Variants in PDE1A observed in about 807,000 individuals in gnomAD.
The protein encoded by PDE1A is phosphodiesterase 1A.
PDE1A carries 35 observed loss-of-function variants against 61.7 expected under a neutral mutation model. The observed-to-expected ratio is 0.57, with a 90% CI of 0.43 to 0.75. The LOEUF is 0.75. Ranked by LOEUF, PDE1A falls within the 30% of genes least tolerant of loss-of-function variation. The probability of loss-of-function intolerance (pLI) is 0.00; values close to 1 mark genes in which losing one functional copy is unlikely to be tolerated. For synonymous variants in PDE1A, 232 were observed against 213.2 expected (o/e 1.09, Z -0.77); for missense variants, 597 against 630.6 (o/e 0.95, Z 0.57).
chr2:182,702,226 C>A, the PDE1A span, among the ~76,000 whole-genome samples: 1 of 152,150 alleles, frequency 6.6e-6, no homozygotes, highest in Admixed American at 6.5e-5. Context: ...GCCTCAGCCT[C>A]CCAAGTAGCT....
chr2:182,663,196 G>A, the PDE1A span, among the ~76,000 whole-genome samples: 217 of 152,272 alleles, frequency 1.4e-3, no homozygotes, highest in Middle Eastern at 3.4e-3. Flanking sequence ...CACTGGCAAG[G>A]TTGCAGAGAA....
chr2:182,180,434 G>A (rs190567204), intron 13 of PDE1A, among the ~76,000 whole-genome samples: 40 of 152,178 alleles, frequency 2.6e-4, no homozygotes, highest in African/African-American at 8.7e-4. Flanking sequence ...TAGCTTGTAG[G>A]GTTTCTGCTG....
At chr2:182,632,518 G>T in the PDE1A span, among the ~76,000 whole-genome samples, 1 of 151,526 alleles carries the variant, frequency 6.6e-6, no homozygotes, top group Non-Finnish European at 1.5e-5. Flanking sequence ...CTCTCCCTTA[G>T]CAAGAAGATA....
At chr2:182,193,073 C>T (rs1469981506) in intron 10 of PDE1A, among the ~76,000 whole-genome samples, 5 of 152,120 alleles carry the variant, frequency 3.3e-5, no homozygotes, top group African/African-American at 9.6e-5. Flanking sequence ...CTGCAACCTC[C>T]GCCTCCTGGG....
At position 182,230,158 on chromosome 2, in the gene PDE1A, AATAATT is replaced by A. The variant is rs1689462072; in HGVS notation, c.535-18_535-13del. On this transcript the variant is annotated splice_polypyrimidine_tract_variant and intron_variant, in intron 5 of 13. Coordinates refer to ENST00000351439, the Ensembl canonical transcript of PDE1A. ...CAAGAAACAGGAATCTGTGGAAAGT[AATAATT>A]ATAATTATATTTTGACCAAAAAAGT... 1.2e-6 allele frequency: 2 copies of A among 1,606,510 alleles called. No individual in the cohort carries two copies. The highest frequency in any genetic ancestry group is 1.3e-5 in the African/African-American group (1 of 74,674).
chr2:182,362,778 C>T (rs1264258869), intron 1 of PDE1A, among the ~76,000 whole-genome samples: 10 of 151,994 alleles, frequency 6.6e-5, no homozygotes, highest in Admixed American at 6.6e-4. Flanking sequence ...CTATTCATTG[C>T]AGCACTATTC....
intron 4 of PDE1A, among the ~76,000 whole-genome samples, chr2:182,232,426 A>AT (rs967702058): frequency 3.3e-5 from 5 of 152,122 alleles, no homozygotes; most frequent in Non-Finnish European, 7.4e-5. Flanking sequence ...CATTCAACAC[A>AT]TTTTTCTGGA....
At chr2:182,648,169 G>A in the PDE1A span, among the ~76,000 whole-genome samples, 5 of 152,120 alleles carry the variant, frequency 3.3e-5, no homozygotes, top group Non-Finnish European at 7.4e-5. Flanking sequence ...AGTGCCTCAC[G>A]TGTTCCTCAT....
chr2:182,582,127 T>C, the PDE1A span, among the ~76,000 whole-genome samples: 1 of 152,216 alleles, frequency 6.6e-6, no homozygotes, highest in Non-Finnish European at 1.5e-5. Flanking sequence ...CACCTCAGAA[T>C]TTCATTTTAT....
At chr2:182,631,719 T>G in the PDE1A span, among the ~76,000 whole-genome samples, 1 of 152,270 alleles carries the variant, frequency 6.6e-6, no homozygotes, top group Admixed American at 6.5e-5. Flanking sequence ...AACTGTATAT[T>G]AGACAAATAA....
At chr2:182,612,682 T>C in the PDE1A span, among the ~76,000 whole-genome samples, 1 of 152,338 alleles carries the variant, frequency 6.6e-6, no homozygotes, top group Non-Finnish European at 1.5e-5. Context: ...GGGGCCTCTA[T>C]AAAGATGGGG....
chr2:182,645,439 C>T, the PDE1A span, among the ~76,000 whole-genome samples: 1 of 152,106 alleles, frequency 6.6e-6, no homozygotes, highest in East Asian at 1.9e-4. Context: ...ACATTTTCTT[C>T]ATCTTTACTA....
At chr2:182,445,764 T>C (rs573683014) in intron 2 of PDE1A, among the ~76,000 whole-genome samples, 21 of 152,264 alleles carry the variant, frequency 1.4e-4, no homozygotes, top group Non-Finnish European at 3.1e-4. Context: ...TTTTCCATTA[T>C]TGAAGCTTAA....
chr2:182,378,368 A>C (rs1290200913), intron 1 of PDE1A, among the ~76,000 whole-genome samples: 3 of 152,032 alleles, frequency 2.0e-5, no homozygotes, highest in Non-Finnish European at 4.4e-5. Context: ...GCCATGAAAA[A>C]CCTTTTTGGA....
intron 8 of PDE1A, among the ~76,000 whole-genome samples, chr2:182,202,941 G>A (rs1271060178): frequency 1.3e-5 from 2 of 152,162 alleles, no homozygotes; most frequent in Non-Finnish European, 2.9e-5. Flanking sequence ...AACCAAAAGT[G>A]TGAAGGAAAC....
At chr2:182,234,458 G>A in exon 4 of PDE1A, 4 of 1,607,350 alleles carry the variant, frequency 2.5e-6, no homozygotes, top group Non-Finnish European at 3.4e-6. Context: ...ACAGCTGCTG[G>A]ATATGCCAAA....
At chr2:182,469,096 A>T (rs1308497048) in intron 2 of PDE1A, among the ~76,000 whole-genome samples, 2 of 151,900 alleles carry the variant, frequency 1.3e-5, no homozygotes, top group Non-Finnish European at 2.9e-5. Flanking sequence ...GCTCTAACTT[A>T]AAGTCACCAC....
At chr2:182,677,614 C>T in the PDE1A span, among the ~76,000 whole-genome samples, 1 of 152,140 alleles carries the variant, frequency 6.6e-6, no homozygotes, top group African/African-American at 2.4e-5. Context: ...CATCAGGCTA[C>T]CTGACTTCAA....
At chr2:182,223,028 G>A (rs1324322587) in intron 7 of PDE1A, among the ~76,000 whole-genome samples, 1 of 152,010 alleles carries the variant, frequency 6.6e-6, no homozygotes, top group East Asian at 1.9e-4. Context: ...AACTCTCAGT[G>A]TGTCTGTATT....
Sources: allele counts gnomAD v4.1 joint callset (sites outside exome capture counted in the v4.1 genomes callset), GRCh38; gene constraint gnomAD v4.1.1; transcripts MANE v1.5; gene names NCBI Gene and HGNC (gene_info 2026-07-23, HGNC 2026-07-21).